Variants in PDSS2 observed in about 807,000 individuals in gnomAD.
PDSS2 encodes the protein decaprenyl diphosphate synthase subunit 2.
A neutral mutation model predicts 44.5 loss-of-function variants in PDSS2; 31 were observed. The ratio of observed to expected loss-of-function variants is 0.70; its 90% confidence interval spans 0.52 to 0.94. The LOEUF (loss-of-function observed/expected upper bound fraction) is 0.94. Ranked by LOEUF, PDSS2 falls within the 40% of genes least tolerant of loss-of-function variation. The probability of loss-of-function intolerance (pLI) is 0.00; values close to 1 mark genes in which losing one functional copy is unlikely to be tolerated. For missense variants in PDSS2, 452 were observed against 482.2 expected (o/e 0.94, Z 0.59); for synonymous variants, 157 against 180.3 (o/e 0.87, Z 1.03).
intron 4 of PDSS2, among the ~76,000 whole-genome samples, chr6:107,225,133 A>ATT (rs200001026): frequency 7.2e-5 from 4 of 55,932 alleles, no homozygotes; most frequent in Non-Finnish European, 1.1e-4. Context: ...CTATATATAT[A>ATT]TTTTTATATA....
chr6:107,187,168 C>T (rs1772197810), intron 7 of PDSS2, among the ~76,000 whole-genome samples: 1 of 152,146 alleles, frequency 6.6e-6, no homozygotes, highest in Admixed American at 6.5e-5. Flanking sequence ...AATCTTTCTT[C>T]TCTATGTTAC....
chr6:107,180,638 C>T (rs963289531), intron 7 of PDSS2, among the ~76,000 whole-genome samples: 17 of 152,072 alleles, frequency 1.1e-4, no homozygotes, highest in Non-Finnish European at 1.9e-4. Context: ...GACACCATTC[C>T]ATGCTTACCG....
intron 4 of PDSS2, among the ~76,000 whole-genome samples, chr6:107,224,608 T>G (rs9386628): frequency 0.23 from 35,510 of 151,112 alleles, 4,674 homozygotes; most frequent in East Asian, 0.36. Flanking sequence ...AAAATATATA[T>G]AGAGAGAGTA....
At chr6:107,172,125 T>C (rs77352601) in intron 7 of PDSS2, among the ~76,000 whole-genome samples, 2,392 of 152,250 alleles carry the variant, frequency 0.016, 61 homozygotes, top group African/African-American at 0.054. Flanking sequence ...CAATTAAAGA[T>C]ATTAACAAAG....
intron 1 of PDSS2, among the ~76,000 whole-genome samples, chr6:107,360,110 C>T (rs1778722421): frequency 6.6e-6 from 1 of 152,146 alleles, no homozygotes; most frequent in South Asian, 2.1e-4. Flanking sequence ...TGTCATAAAA[C>T]CACCTCAAAT....
intron 7 of PDSS2, among the ~76,000 whole-genome samples, chr6:107,187,679 A>C (rs929642818): frequency 2.0e-5 from 3 of 151,390 alleles, no homozygotes; most frequent in Non-Finnish European, 4.4e-5. Context: ...AAAAAAAAAA[A>C]CCTCTTAAAA....
intron 2 of PDSS2, among the ~76,000 whole-genome samples, chr6:107,319,318 A>G (rs1270799754): frequency 6.6e-6 from 1 of 152,210 alleles, no homozygotes; most frequent in Non-Finnish European, 1.5e-5. Context: ...ATAAACTTTT[A>G]AACACCAGCT....
rs1033744537 is a variant in PDSS2 at position 107,397,381 on chromosome 6, A to G, written c.296+61609T>C. ...TTATAGTTTTCAGTGCCATATACCC[A>G]CAGTAAGAAAAAAATACCAATTTTA... On this transcript the variant is annotated intron_variant, in intron 1 of 7. Transcript: ENST00000369037. Among the ~76,000 whole-genome samples, 44 of 152,168 alleles carry G rather than the reference A, an allele frequency of 2.9e-4. 1 individual carries two copies. Among genetic ancestry groups the G allele is most frequent in the Admixed American group, 1.3e-4 (2 of 15,280 alleles).
chr6:107,400,556 G>T (rs1170470726), intron 1 of PDSS2, among the ~76,000 whole-genome samples: 1 of 152,120 alleles, frequency 6.6e-6, no homozygotes, highest in African/African-American at 2.4e-5. Flanking sequence ...GACTTGGCTG[G>T]CTGTCTCAGC....
intron 2 of PDSS2, among the ~76,000 whole-genome samples, chr6:107,295,179 C>T (rs1017736692): frequency 5.3e-5 from 8 of 152,190 alleles, no homozygotes; most frequent in African/African-American, 1.9e-4. Context: ...GGTGATCCAC[C>T]TGCCTCAGCC....
chr6:107,433,064 C>T (rs1291875602), intron 1 of PDSS2, among the ~76,000 whole-genome samples: 1 of 152,034 alleles, frequency 6.6e-6, no homozygotes, highest in Non-Finnish European at 1.5e-5. Context: ...ACATAATGTC[C>T]TCCAGGAAAA....
intron 1 of PDSS2, among the ~76,000 whole-genome samples, chr6:107,415,229 G>A (rs1216278655): frequency 1.3e-5 from 2 of 151,892 alleles, no homozygotes; most frequent in Non-Finnish European, 2.9e-5. Context: ...TGGTGTGCAT[G>A]CCCAAACCAA....
At chr6:107,161,347 C>G (rs1419526974) in intron 7 of PDSS2, among the ~76,000 whole-genome samples, 2 of 151,838 alleles carry the variant, frequency 1.3e-5, no homozygotes, top group African/African-American at 2.4e-5. Flanking sequence ...AGGCGTGGTG[C>G]CGGGCGCCTG....
At chr6:107,276,833 T>C (rs540466585) in intron 2 of PDSS2, among the ~76,000 whole-genome samples, 64 of 152,318 alleles carry the variant, frequency 4.2e-4, no homozygotes, top group African/African-American at 1.5e-3. Context: ...AGACTACAAG[T>C]TAAGAAACCT....
At chr6:107,368,950 G>T (rs1200970133) in intron 1 of PDSS2, among the ~76,000 whole-genome samples, 1 of 152,172 alleles carries the variant, frequency 6.6e-6, no homozygotes, top group African/African-American at 2.4e-5. Flanking sequence ...AAGTAGTGTA[G>T]TATTGGTATA....
intron 1 of PDSS2, among the ~76,000 whole-genome samples, chr6:107,370,591 G>A (rs1258393630): frequency 2.0e-5 from 3 of 152,184 alleles, no homozygotes; most frequent in African/African-American, 7.2e-5. Context: ...GTATTTCAAA[G>A]ATAAGGAAGT....
At chr6:107,243,461 A>G (rs1207652465) in intron 4 of PDSS2, among the ~76,000 whole-genome samples, 2 of 152,268 alleles carry the variant, frequency 1.3e-5, no homozygotes, top group Non-Finnish European at 1.5e-5. Context: ...AAATGGTAAG[A>G]GTAGATAAAT....
intron 1 of PDSS2, among the ~76,000 whole-genome samples, chr6:107,412,119 C>G (rs1194094424): frequency 1.3e-5 from 2 of 151,892 alleles, no homozygotes; most frequent in South Asian, 2.1e-4. Flanking sequence ...AACTCCTGAC[C>G]TCAGGTGATC....
At chr6:107,342,253 A>G (rs1398031587) in intron 1 of PDSS2, among the ~76,000 whole-genome samples, 1 of 151,960 alleles carries the variant, frequency 6.6e-6, no homozygotes, top group East Asian at 1.9e-4. Flanking sequence ...CCAACTCTCC[A>G]TCTTACACAT....
Sources: allele counts gnomAD v4.1 joint callset (sites outside exome capture counted in the v4.1 genomes callset), GRCh38; gene constraint gnomAD v4.1.1; transcripts MANE v1.5; gene names NCBI Gene and HGNC (gene_info 2026-07-23, HGNC 2026-07-21).